Variants in CAMTA1 observed in about 807,000 individuals in gnomAD.
The protein encoded by CAMTA1 is calmodulin binding transcription activator 1.
Under a neutral mutation model 170.9 loss-of-function variants are expected in CAMTA1, and 27 were observed. The ratio of observed to expected loss-of-function variants is 0.16; its 90% CI spans 0.12 to 0.22. The LOEUF is 0.22. Ranked by LOEUF, CAMTA1 falls within the 10% of genes least tolerant of loss-of-function variation. The pLI, the probability that CAMTA1 is intolerant of heterozygous loss-of-function variation, is 1.00. For synonymous variants in CAMTA1, 833 were observed against 891.5 expected (o/e 0.93, Z 1.17); for missense variants, 1,619 against 2,217.2 (o/e 0.73, Z 5.42).
intron 3 of CAMTA1, among the ~76,000 whole-genome samples, chr1:6,950,687 T>C (rs1571974365): frequency 6.6e-6 from 1 of 152,146 alleles, no homozygotes; most frequent in Non-Finnish European, 1.5e-5. Flanking sequence ...TGCAGCTCAC[T>C]GGGCAGAACT....
chr1:7,244,592 G>A (rs940408965), intron 4 of CAMTA1, among the ~76,000 whole-genome samples: 5 of 152,132 alleles, frequency 3.3e-5, no homozygotes, highest in Non-Finnish European at 5.9e-5. Flanking sequence ...TCCTTTGTAG[G>A]GACATGGATG....
intron 6 of CAMTA1, among the ~76,000 whole-genome samples, chr1:7,536,220 C>T (rs1168985628): frequency 6.6e-6 from 1 of 152,186 alleles, no homozygotes; most frequent in African/African-American, 2.4e-5. Flanking sequence ...GCTCCTTTCC[C>T]CACCCCTTGC....
chr1:7,346,653 G>A (rs1384122807), intron 5 of CAMTA1, among the ~76,000 whole-genome samples: 2 of 152,184 alleles, frequency 1.3e-5, no homozygotes, highest in Non-Finnish European at 2.9e-5. Flanking sequence ...AGTTAAGTTT[G>A]CGCCTCCAGA....
At position 7,435,008 on chromosome 1, in the gene CAMTA1, C is replaced by T. The variant is rs1455520278; in HGVS notation, c.439-32822C>T. On this transcript the variant is annotated intron_variant, in intron 5 of 22. Transcript: ENST00000303635. This position sits in a 1 kb window ranked among gnomAD's most constrained non-coding sequence, Gnocchi z 4.4. ...TTGAGGCTGCAGTGAGCTGAGATCC[C>T]ACCACTGCACTCCAGCCTGGGTGAC... 2.0e-5 allele frequency among the ~76,000 whole-genome samples: 3 copies of T among 152,052 alleles called. No homozygotes were observed. The highest frequency in any genetic ancestry group is 4.8e-5 in the African/African-American group (2 of 41,354).
intron 7 of CAMTA1, among the ~76,000 whole-genome samples, chr1:7,644,219 G>C (rs530120038): frequency 6.6e-6 from 1 of 152,224 alleles, no homozygotes; most frequent in East Asian, 1.9e-4. Flanking sequence ...CTGATTCAGA[G>C]AATCCCATCC....
intron 11 of CAMTA1, among the ~76,000 whole-genome samples, chr1:7,723,671 C>T (rs1430137234): frequency 6.6e-6 from 1 of 152,132 alleles, no homozygotes; most frequent in East Asian, 1.9e-4. Context: ...ATCATTATAC[C>T]TCTGATTGTA....
chr1:6,926,290 TTCCTTTCCTC>T (rs1683059256), intron 3 of CAMTA1, among the ~76,000 whole-genome samples: 2 of 151,232 alleles, frequency 1.3e-5, no homozygotes, highest in African/African-American at 4.9e-5. Context: ...GTGACCTACC[TTCCTTTCCTC>T]TCCTCTCCTC....
intron 4 of CAMTA1, among the ~76,000 whole-genome samples, chr1:7,164,843 T>C (rs558811976): frequency 1.3e-3 from 200 of 152,212 alleles, no homozygotes; most frequent in Non-Finnish European, 1.8e-3. Context: ...ACCAAGAGAA[T>C]GATGCAGACA....
At chr1:6,910,199 G>GA (rs1679406015) in intron 3 of CAMTA1, among the ~76,000 whole-genome samples, 1 of 152,052 alleles carries the variant, frequency 6.6e-6, no homozygotes, top group African/African-American at 2.4e-5. Flanking sequence ...AATGCAAGGG[G>GA]CACCTTGTTT....
rs1286368520 is a variant in CAMTA1, at chr1:7,642,982, G to A, written c.664+2429G>A. On this transcript the variant is annotated intron_variant, in intron 7 of 22. Transcript: ENST00000303635. The surrounding 1 kb of genome is among the most constrained non-coding windows in gnomAD (Gnocchi z 6.3). ...CCTGCAGAAGCTGCCATGGCTGAGT[G>A]CACTCCAGGCCTGCAGGAAGTAGCC... is the stretch of plus-strand genomic sequence containing the variant. Among the ~76,000 whole-genome samples the A allele has an allele frequency of 6.7e-6, 1 of 149,948 alleles. No homozygotes were observed. The highest frequency in any genetic ancestry group is 1.9e-4 in the East Asian group (1 of 5,184).
chr1:7,408,955 C>T lies in CAMTA1; in HGVS notation c.439-58875C>T, dbSNP rs74949771. 9.3e-3 allele frequency among the ~76,000 whole-genome samples: 1,414 copies of T among 152,312 alleles called. 22 individuals are homozygous for T. Among genetic ancestry groups the T allele is most frequent in the African/African-American group, 0.032 (1,329 of 41,572 alleles). ...TCCAACCTCCCTGCCCATATGAAAG[C>T]AACAGAGGCCAGAGGCTGCTCCAGA... is the stretch of plus-strand genomic sequence containing the variant. On this transcript the variant is annotated intron_variant, in intron 5 of 22. Transcript: ENST00000303635.
chr1:7,654,064 G>A (rs567267555), intron 7 of CAMTA1, among the ~76,000 whole-genome samples: 1 of 152,106 alleles, frequency 6.6e-6, no homozygotes, highest in Non-Finnish European at 1.5e-5. Flanking sequence ...GCTGGGCTGT[G>A]CTGGAAAGAA....
intron 4 of CAMTA1, among the ~76,000 whole-genome samples, chr1:7,242,745 A>G (rs1435079586): frequency 1.3e-5 from 2 of 151,658 alleles, no homozygotes; most frequent in Admixed American, 1.3e-4. Flanking sequence ...TGGCTAACAC[A>G]GTGAAACCCC....
intron 5 of CAMTA1, among the ~76,000 whole-genome samples, chr1:7,420,553 A>C (rs1425270997): frequency 6.6e-6 from 1 of 151,888 alleles, no homozygotes; most frequent in East Asian, 1.9e-4. Flanking sequence ...TTTCCCTTCC[A>C]TGTGGCCCTC....
At chr1:7,520,181 T>C (rs113038412) in intron 6 of CAMTA1, among the ~76,000 whole-genome samples, 19,595 of 94,398 alleles carry the variant, frequency 0.21, 2,988 homozygotes, top group Non-Finnish European at 0.27. Flanking sequence ...AGGCCTCAGC[T>C]GCCCTGGCTG....
chr1:7,327,264 G>A (rs1055402610), intron 5 of CAMTA1, among the ~76,000 whole-genome samples: 2 of 151,914 alleles, frequency 1.3e-5, no homozygotes, highest in African/African-American at 4.8e-5. Context: ...AAATTAGCCA[G>A]GCTTGGTGGT....
chr1:7,664,737 C>T lies in CAMTA1; in HGVS notation c.2190C>T (p.Ala730=), dbSNP rs191079752. Residue 730 remains alanine (A), a synonymous_variant, in exon 9 of 23, where the codon GCC becomes GCT. Coordinates refer to ENST00000303635, the MANE Select transcript of CAMTA1 (RefSeq NM_015215.4). ...QPETNGVIRS[A]GGVPILPGNV... is the part of the protein sequence containing the mutation. ...AGACCAACGGGGTAATCCGAAGCGCCGGCGGCGTCCCCATCCTCCCGGGCA... is the reference window on the plus strand; with the variant it reads ...AGACCAACGGGGTAATCCGAAGCGCTGGCGGCGTCCCCATCCTCCCGGGCA... 261 of 1,608,382 alleles carry T rather than the reference C, an allele frequency of 1.6e-4. No homozygotes were observed. The East Asian group carries it at 4.8e-3, about 30-fold the overall frequency.
intron 4 of CAMTA1, among the ~76,000 whole-genome samples, chr1:7,145,501 G>A (rs1415878725): frequency 1.3e-5 from 2 of 152,220 alleles, no homozygotes; most frequent in Non-Finnish European, 2.9e-5. Flanking sequence ...GAGACGGGAA[G>A]TACCAGAGAA....
At chr1:7,492,086 C>T (rs983484901) in intron 6 of CAMTA1, among the ~76,000 whole-genome samples, 2 of 152,132 alleles carry the variant, frequency 1.3e-5, no homozygotes, top group South Asian at 2.1e-4. Flanking sequence ...GGATGGGACA[C>T]GCTCCCACTA....
Sources: allele counts gnomAD v4.1 joint callset (sites outside exome capture counted in the v4.1 genomes callset), GRCh38; gene constraint gnomAD v4.1.1; non-coding constraint Gnocchi (gnomAD v3.1); transcripts MANE v1.5; gene names NCBI Gene and HGNC (gene_info 2026-07-23, HGNC 2026-07-21).